The following DCC variants were observed in gnomAD, a reference collection of about 807,000 sequenced individuals.
DCC encodes netrin receptor DCC.
In DCC, 58 loss-of-function variants were observed where a neutral mutation model predicts 172.5. The ratio of observed to expected loss-of-function variants is 0.34; its 90% CI spans 0.27 to 0.42. The LOEUF (loss-of-function observed/expected upper bound fraction) is 0.42, where lower values mean the gene tolerates loss of function less well. DCC is among the 10% of genes least tolerant of loss of function. The probability of loss-of-function intolerance (pLI) is 1.00; values close to 1 mark genes in which losing one functional copy is unlikely to be tolerated. For missense variants in DCC, 1,740 were observed against 1,791.0 expected (o/e 0.97, Z 0.51); for synonymous variants, 709 against 644.5 (o/e 1.10, Z -1.52).
At chr18:53,424,663 A>G (rs954254175) in intron 21 of DCC, among the ~76,000 whole-genome samples, 10 of 152,106 alleles carry the variant, frequency 6.6e-5, no homozygotes, top group Admixed American at 1.3e-4. Flanking sequence ...CTGATCCCTT[A>G]TGTAGAGAAA....
chr18:53,210,143 A>G (rs559054343), intron 11 of DCC, among the ~76,000 whole-genome samples: 1 of 152,134 alleles, frequency 6.6e-6, no homozygotes, highest in South Asian at 2.1e-4. Context: ...GTCCAACACA[A>G]ATGTGTGGCT....
intron 1 of DCC, among the ~76,000 whole-genome samples, chr18:52,603,103 C>G (rs764148101): frequency 6.6e-6 from 1 of 151,940 alleles, no homozygotes; most frequent in East Asian, 1.9e-4. Context: ...TGAGAAGCAC[C>G]TTTATAGTGT....
rs897910498 is a variant in DCC, at chr18:53,386,136, C to G, written c.2453C>G (p.Thr818Ser). 4 of 1,589,348 alleles carry G rather than the reference C, an allele frequency of 2.5e-6. No homozygotes were observed. The highest frequency in any genetic ancestry group is 1.3e-5 in the African/African-American group (1 of 74,306). ...GAAAGTGCCACCACCAGGTCTATAA[C>G]CGGTAAGTGAAATTGTTAATCTTCC... is the stretch of plus-strand genomic sequence containing the variant. ...LYESATTRSI[T>S]DPTDPVDYYP... Residue 818 changes from threonine (T) to serine (S), a missense_variant and splice_region_variant, in exon 16 of 29, where the codon ACC (threonine) becomes AGC (serine). Physicochemically the swap from Thr to Ser is moderately conservative, Grantham distance 58. Around this residue, in one of 2 missense-constraint regions of DCC, gnomAD observed 1,732 missense variants for 1,767.4 expected, o/e 0.98. Transcript: ENST00000442544.
At chr18:53,275,374 A>G (rs771631833) in intron 12 of DCC, among the ~76,000 whole-genome samples, 1 of 152,102 alleles carries the variant, frequency 6.6e-6, no homozygotes, top group Non-Finnish European at 1.5e-5. Context: ...ATAAAATTAT[A>G]CTGACCTTTG....
At chr18:52,847,246 A>T (rs764691180) in intron 2 of DCC, among the ~76,000 whole-genome samples, 2 of 152,208 alleles carry the variant, frequency 1.3e-5, no homozygotes, top group African/African-American at 2.4e-5. Flanking sequence ...ATTTGAATTT[A>T]CATACCCAGA....
At chr18:52,611,560 G>A (rs753004028) in intron 1 of DCC, among the ~76,000 whole-genome samples, 10 of 152,156 alleles carry the variant, frequency 6.6e-5, no homozygotes, top group Non-Finnish European at 1.2e-4. Context: ...TCCAAAAACT[G>A]TAAGTAAACT....
intron 7 of DCC, among the ~76,000 whole-genome samples, chr18:53,099,576 T>G (rs905736657): frequency 1.3e-5 from 2 of 152,134 alleles, no homozygotes; most frequent in African/African-American, 2.4e-5. Context: ...TGAAATGGAA[T>G]GGGAATTAAC....
At chr18:52,490,236 G>T (rs1414017038) in intron 1 of DCC, among the ~76,000 whole-genome samples, 1 of 152,108 alleles carries the variant, frequency 6.6e-6, no homozygotes, top group Non-Finnish European at 1.5e-5. Flanking sequence ...GGTAGGAAAA[G>T]AATGTCATCT....
intron 1 of DCC, among the ~76,000 whole-genome samples, chr18:52,626,875 T>C (rs2034582942): frequency 6.6e-6 from 1 of 152,192 alleles, no homozygotes; most frequent in Non-Finnish European, 1.5e-5. Context: ...TACTATTTTT[T>C]GTAAGGACAA....
chr18:53,247,018 T>C lies in DCC; in HGVS notation c.1911+31421T>C, dbSNP rs920822250. Among the ~76,000 whole-genome samples the C allele has an allele frequency of 5.3e-5, 8 of 151,898 alleles. 1 individual carries two copies. Among genetic ancestry groups the C allele is most frequent in the Admixed American group, 5.3e-4 (8 of 15,212 alleles). ...TTCTAAGTAAAGGAAACATTGGAGA[T>C]CTAGTCAAAGAAATGGGAGCATCTG... On this transcript the variant is annotated intron_variant, in intron 12 of 28. Coordinates refer to ENST00000442544, the MANE Select transcript of DCC (RefSeq NM_005215.4).
chr18:53,212,390 T>A (rs1027344609), intron 11 of DCC, among the ~76,000 whole-genome samples: 3 of 152,096 alleles, frequency 2.0e-5, no homozygotes, highest in Non-Finnish European at 4.4e-5. Flanking sequence ...CGATATGGAT[T>A]CTCTTCACTT....
In DCC at chr18:53,428,273, T is replaced by A. The variant is rs1256242569; in HGVS notation, c.3164-6871T>A. 9.7e-5 allele frequency among the ~76,000 whole-genome samples: 9 copies of A among 92,556 alleles called. 2 individuals are homozygous for A. The highest frequency in any genetic ancestry group is 1.3e-4 in the Non-Finnish European group (7 of 54,250). The allele number at this position is 92,556 out of a possible 152,430, so 60.7% of individuals were successfully genotyped here. A position where few individuals can be genotyped will look rare whatever the true frequency, so the allele number is the denominator to read the frequency against. On this transcript the variant is annotated intron_variant, in intron 21 of 28. Coordinates refer to ENST00000442544, the MANE Select transcript of DCC (RefSeq NM_005215.4). ...ATATTTAATAATATATTATATAGAA[T>A]ATAATAAATTATATAGAATATAATA...
intron 5 of DCC, among the ~76,000 whole-genome samples, chr18:53,019,304 A>C (rs2041847962): frequency 6.6e-6 from 1 of 152,194 alleles, no homozygotes; most frequent in South Asian, 2.1e-4. Flanking sequence ...ACATTTAAAA[A>C]GTCAACACCT....
Position 53,426,573 on chromosome 18 carries a change from T to A in DCC, c.3164-8571T>A, listed in dbSNP as rs191953394. ...AAGAATTCTCACCTCACATGCCACC[T>A]CCTCTGAGAAACCTTTTGCTAGGCA... On this transcript the variant is annotated intron_variant, in intron 21 of 28. Coordinates refer to ENST00000442544, the MANE Select transcript of DCC (RefSeq NM_005215.4). Among the ~76,000 whole-genome samples, 492 of 151,338 alleles carry A rather than the reference T, an allele frequency of 3.3e-3. 4 individuals carry two copies. Among genetic ancestry groups the A allele is most frequent in the African/African-American group, 0.011 (454 of 41,338 alleles).
chr18:53,313,031 A>AGGAGGAAAGGGAAGAAG (rs1555651011), intron 13 of DCC, among the ~76,000 whole-genome samples: 27 of 60,050 alleles, frequency 4.5e-4, no homozygotes, highest in East Asian at 1.8e-3. Flanking sequence ...GAAGGGAAGA[A>AGGAGGAAAGGGAAGAAG]GGAGGAAAGG....
At chr18:53,167,172 G>T (rs746132769) in intron 8 of DCC, among the ~76,000 whole-genome samples, 21 of 152,132 alleles carry the variant, frequency 1.4e-4, no homozygotes, top group African/African-American at 3.6e-4. Context: ...CAACTCACAA[G>T]TTGTAACTAA....
chr18:52,342,712 T>G (rs1983709116), intron 1 of DCC, among the ~76,000 whole-genome samples: 1 of 152,226 alleles, frequency 6.6e-6, no homozygotes, highest in Non-Finnish European at 1.5e-5. Flanking sequence ...CTGAATGCAC[T>G]GCATGAAGCA....
At chr18:53,296,264 C>G (rs1020440132) in intron 12 of DCC, among the ~76,000 whole-genome samples, 1 of 152,134 alleles carries the variant, frequency 6.6e-6, no homozygotes, top group Non-Finnish European at 1.5e-5. Context: ...TTCAGTCTCT[C>G]AATCTCTGGA....
intron 2 of DCC, among the ~76,000 whole-genome samples, chr18:52,779,499 C>A (rs1257461940): frequency 1.3e-5 from 2 of 152,136 alleles, no homozygotes; most frequent in East Asian, 3.9e-4. Flanking sequence ...TTTTTTATGG[C>A]TATATAGTAT....
Sources: gnomAD v4.1 joint callset for allele counts (sites outside exome capture counted in the v4.1 genomes callset) on GRCh38, gnomAD v4.1.1 for gene constraint, gnomAD v4.1.1 regional missense constraint, MANE v1.5 for transcripts, NCBI Gene and HGNC (gene_info 2026-07-23, HGNC 2026-07-21) for gene names.